Variants in KDM6A observed in about 807,000 individuals in gnomAD.
KDM6A encodes lysine-specific demethylase 6A.
A neutral mutation model predicts 117.6 loss-of-function variants in KDM6A; 11 were observed. That is an observed-to-expected ratio of 0.09 (90% CI 0.06 to 0.15). KDM6A has a LOEUF of 0.15. KDM6A is among the 10% of genes least tolerant of loss of function. The probability of loss-of-function intolerance (pLI) is 1.00; values close to 1 mark genes in which losing one functional copy is unlikely to be tolerated. For missense variants in KDM6A, 799 were observed against 1,077.3 expected, an observed-to-expected ratio of 0.74 and a Z score of 3.62; for synonymous variants, 384 against 396.1, an observed-to-expected ratio of 0.97 and a Z score of 0.36.
At chrX:44,940,214 G>A (rs995731198) in intron 2 of KDM6A, among the ~76,000 whole-genome samples, 5 of 110,567 alleles carry the variant, frequency 4.5e-5, no homozygotes, top group Middle Eastern at 4.6e-3. Context: ...TACCATGCCC[G>A]GCCAATTTTT....
chrX:44,969,667 C>T (rs921782936), intron 3 of KDM6A, among the ~76,000 whole-genome samples: 13 of 110,650 alleles, frequency 1.2e-4, no homozygotes, highest in Non-Finnish European at 2.1e-4. Context: ...CCGCCTGCCT[C>T]GGCCTCCCAA....
At chrX:45,100,253 A>G (rs1015361655) in intron 27 of KDM6A, among the ~76,000 whole-genome samples, 3 of 111,290 alleles carry the variant, frequency 2.7e-5, no homozygotes, top group Non-Finnish European at 5.7e-5. Context: ...AGCTCTGCAG[A>G]CTGTTGGTAC....
intron 17 of KDM6A, among the ~76,000 whole-genome samples, chrX:45,066,781 C>T (rs1462725145): frequency 1.8e-5 from 2 of 111,833 alleles, no homozygotes; most frequent in Non-Finnish European, 3.8e-5. Context: ...AAACGTAATT[C>T]GTAATTCTAA....
intron 8 of KDM6A, among the ~76,000 whole-genome samples, chrX:45,049,590 A>G (rs1164234618): frequency 1.8e-5 from 2 of 111,900 alleles, no homozygotes; most frequent in Non-Finnish European, 3.8e-5. Context: ...GTTGGGAGGT[A>G]TATTTTAACA....
intron 1 of KDM6A, 79 bp from the exon 2 acceptor site, chrX:44,873,845 C>G: frequency 8.6e-7 from 1 of 1,160,852 alleles, no homozygotes; most frequent in Admixed American, 2.3e-5. Context: ...GCCGCCTCCG[C>G]TGGGGCCTCG....
intron 4 of KDM6A, among the ~76,000 whole-genome samples, chrX:45,002,791 A>G (rs867277274): frequency 7.4e-5 from 8 of 107,796 alleles, no homozygotes; most frequent in African/African-American, 2.4e-4. Flanking sequence ...TCTTTAAACA[A>G]CCAGTTAATT....
In KDM6A at chrX:44,998,366, G is replaced by C. The variant is rs187481567; in HGVS notation, c.385-12595G>C. ...AAAAGTAGGACTACTGTTTGGCTTG[G>C]TCAACTGGTAAGATTGTTACCACTA... On this transcript the variant is annotated intron_variant, in intron 4 of 29. Transcript: ENST00000611820. Among the ~76,000 whole-genome samples, 87 of 111,751 alleles carry C rather than the reference G, an allele frequency of 7.8e-4. 1 individual carries two copies. Among genetic ancestry groups the C allele is most frequent in the African/African-American group, 2.6e-3 (80 of 30,763 alleles).
chrX:44,956,803 C>T (rs920155217), intron 2 of KDM6A, among the ~76,000 whole-genome samples: 1 of 111,451 alleles, frequency 9.0e-6, no homozygotes, highest in African/African-American at 3.3e-5. Flanking sequence ...GGATGCTCAA[C>T]CATTGTGTAT....
intron 3 of KDM6A, among the ~76,000 whole-genome samples, chrX:44,967,259 A>G (rs777956096): frequency 2.7e-5 from 3 of 110,993 alleles, no homozygotes; most frequent in African/African-American, 6.6e-5. Context: ...CTTCCTCTCC[A>G]ACACATACTC....
intron 2 of KDM6A, among the ~76,000 whole-genome samples, chrX:44,929,217 T>C (rs1004682988): frequency 9.1e-6 from 1 of 109,367 alleles, no homozygotes; most frequent in Non-Finnish European, 1.9e-5. Context: ...CATTTTACTA[T>C]GTTTTAAAAA....
chrX:44,998,083 T>C (rs1455485674), intron 4 of KDM6A, among the ~76,000 whole-genome samples: 2 of 111,664 alleles, frequency 1.8e-5, no homozygotes, highest in African/African-American at 3.3e-5. Flanking sequence ...TTGCACTTCA[T>C]GTTTGAGTTT....
At position 45,111,479 on chromosome X, in the gene KDM6A, G is replaced by A; in HGVS notation, c.*68G>A. On this transcript the variant is annotated 3_prime_UTR_variant, in exon 30 of 30. Coordinates refer to ENST00000611820, the MANE Select transcript of KDM6A (RefSeq NM_001291415.2). ...GGAAATAACCCAGTTCTGCACCACT[G>A]GTTTTTGTAGCTATCTCGTAAGGCT... The A allele has an allele frequency of 1.1e-6, 1 of 934,091 alleles. No homozygotes were observed. The highest frequency in any genetic ancestry group is 1.6e-6 in the Non-Finnish European group (1 of 644,458). The allele number at this position is 934,091 out of a possible 1,213,427, so 77.0% of individuals were successfully genotyped here.
intron 2 of KDM6A, among the ~76,000 whole-genome samples, chrX:44,907,024 C>A (rs1473369762): frequency 2.7e-5 from 3 of 110,812 alleles, no homozygotes; most frequent in African/African-American, 9.9e-5. Context: ...GGTAACCTTT[C>A]CCCCCCACTC....
At chrX:44,913,402 G>A (rs1423131674) in intron 2 of KDM6A, among the ~76,000 whole-genome samples, 3 of 106,221 alleles carry the variant, frequency 2.8e-5, no homozygotes, top group African/African-American at 6.9e-5. Context: ...GGGTTCGAGC[G>A]ATTCTCCTGT....
In KDM6A at chrX:44,972,940, C is replaced by G. The variant is rs770368420; in HGVS notation, c.335-1726C>G. On this transcript the variant is annotated intron_variant, in intron 3 of 29. Coordinates refer to ENST00000611820, the MANE Select transcript of KDM6A (RefSeq NM_001291415.2). ...ATCCCAGCTACTCAGGAGGCTGAGG[C>G]AGGAGAATCACTTGAACCTGGGAGG... Among the ~76,000 whole-genome samples, 323 of 109,809 alleles carry G rather than the reference C, an allele frequency of 2.9e-3. 1 individual carries two copies. Among genetic ancestry groups the G allele is most frequent in the Non-Finnish European group, 4.7e-3 (249 of 52,771 alleles).
At chrX:45,009,663 C>A (rs769321887) in intron 4 of KDM6A, among the ~76,000 whole-genome samples, 1 of 111,567 alleles carries the variant, frequency 9.0e-6, no homozygotes, top group Non-Finnish European at 1.9e-5. Context: ...ATCATTGGTT[C>A]TTTTTCTCAA....
intron 18 of KDM6A, among the ~76,000 whole-genome samples, chrX:45,075,874 A>C (rs1449052159): frequency 8.9e-6 from 1 of 111,834 alleles, no homozygotes; most frequent in Non-Finnish European, 1.9e-5. Context: ...TAATATTTTA[A>C]TGCATTGATT....
chrX:44,914,230 G>A (rs1440036889), intron 2 of KDM6A, among the ~76,000 whole-genome samples: 1 of 112,037 alleles, frequency 8.9e-6, no homozygotes, highest in Non-Finnish European at 1.9e-5. Context: ...AGTTACATGT[G>A]AATTTTCAGC....
At chrX:44,927,303 T>A (rs1481617240) in intron 2 of KDM6A, among the ~76,000 whole-genome samples, 2 of 111,154 alleles carry the variant, frequency 1.8e-5, no homozygotes, top group African/African-American at 6.5e-5. Context: ...CAATATGCAG[T>A]TGGTTGAGTC....
Sources: allele counts gnomAD v4.1 joint callset (sites outside exome capture counted in the v4.1 genomes callset), GRCh38; gene constraint gnomAD v4.1.1; transcripts MANE v1.5; gene names NCBI Gene and HGNC (gene_info 2026-07-23, HGNC 2026-07-21).